The following HYCC1 variants were observed in gnomAD, a reference collection of about 807,000 sequenced individuals.
HYCC1 encodes hyccin PI4KA lipid kinase complex subunit 1.
chr7:22,944,679 C>T, the HYCC1 span: 4 of 152,082 alleles, frequency 2.6e-5, no homozygotes, highest in East Asian at 7.7e-4. Flanking sequence ...AGCTATGTTG[C>T]AAGATTTACA....
chr7:22,933,019 G>C, the HYCC1 span, among the ~76,000 whole-genome samples: 1 of 152,138 alleles, frequency 6.6e-6, no homozygotes, highest in African/African-American at 2.4e-5. Flanking sequence ...GCCAAGACCT[G>C]CCAGGAACCA....
the HYCC1 span, chr7:22,976,267 G>A: frequency 2.7e-5 from 43 of 1,613,014 alleles, no homozygotes; most frequent in Admixed American, 3.3e-5. Flanking sequence ...AGTTAAGGCA[G>A]CATTGTAACA....
At chr7:22,948,471 A>G in the HYCC1 span, among the ~76,000 whole-genome samples, 2 of 152,096 alleles carry the variant, frequency 1.3e-5, no homozygotes, top group African/African-American at 4.8e-5. Context: ...AAACATTCTA[A>G]TTTATAATTA....
the HYCC1 span, among the ~76,000 whole-genome samples, chr7:23,004,950 C>T: frequency 7.9e-5 from 12 of 152,026 alleles, no homozygotes; most frequent in Non-Finnish European, 1.8e-4. Context: ...GGACTACAAG[C>T]ACGTGCCACC....
the HYCC1 span, among the ~76,000 whole-genome samples, chr7:22,902,902 G>A: frequency 6.6e-6 from 1 of 152,032 alleles, no homozygotes; most frequent in Non-Finnish European, 1.5e-5. Flanking sequence ...ATAAATGGAA[G>A]AAATGATAAA....
the HYCC1 span, chr7:22,985,621 T>G: frequency 6.6e-6 from 1 of 152,098 alleles, no homozygotes; most frequent in Non-Finnish European, 1.5e-5. Context: ...AAGGTTTTAC[T>G]GCAACTGCTT....
At chr7:22,929,829 A>G in the HYCC1 span, among the ~76,000 whole-genome samples, 7 of 152,222 alleles carry the variant, frequency 4.6e-5, no homozygotes, top group African/African-American at 1.4e-4. Context: ...TGACCCAGCC[A>G]TCCCATTACT....
the HYCC1 span, among the ~76,000 whole-genome samples, chr7:23,008,878 G>T: frequency 3.5e-4 from 53 of 152,018 alleles, no homozygotes; most frequent in East Asian, 8.9e-3. Context: ...TAAAAACTGT[G>T]AAATTAATAT....
At chr7:23,007,354 G>A in the HYCC1 span, among the ~76,000 whole-genome samples, 1 of 152,042 alleles carries the variant, frequency 6.6e-6, no homozygotes, top group Non-Finnish European at 1.5e-5. Context: ...TTTATTGATG[G>A]TGGACGACTG....
the HYCC1 span, among the ~76,000 whole-genome samples, chr7:22,963,746 A>C: frequency 6.6e-6 from 1 of 152,204 alleles, no homozygotes; most frequent in Middle Eastern, 3.2e-3. Context: ...AACTTGACAA[A>C]AACAGGCATC....
At chr7:22,982,042 A>G in the HYCC1 span, among the ~76,000 whole-genome samples, 4 of 152,236 alleles carry the variant, frequency 2.6e-5, no homozygotes, top group East Asian at 1.9e-4. Context: ...TAGTTAAAAC[A>G]TACTTCATGA....
chr7:22,977,685 C>T, the HYCC1 span, among the ~76,000 whole-genome samples: 1 of 152,086 alleles, frequency 6.6e-6, no homozygotes, highest in South Asian at 2.1e-4. Flanking sequence ...CTTGATCTTA[C>T]TCATGTAACA....
the HYCC1 span, among the ~76,000 whole-genome samples, chr7:23,008,101 CAAG>C: frequency 3.9e-5 from 6 of 152,132 alleles, no homozygotes; most frequent in South Asian, 1.2e-3. Flanking sequence ...TAAGTGTTAG[CAAG>C]AAGACAAAAT....
At chr7:22,952,507 G>A in the HYCC1 span, among the ~76,000 whole-genome samples, 1 of 151,990 alleles carries the variant, frequency 6.6e-6, no homozygotes, top group Non-Finnish European at 1.5e-5. Context: ...ACCAGGGTGA[G>A]AGTGGTCTTA....
the HYCC1 span, among the ~76,000 whole-genome samples, chr7:23,009,652 A>G: frequency 6.6e-6 from 1 of 152,122 alleles, no homozygotes; most frequent in Non-Finnish European, 1.5e-5. Context: ...CAGAAATTTT[A>G]AAAAGAAAAA....
the HYCC1 span, among the ~76,000 whole-genome samples, chr7:22,982,747 T>C: frequency 6.6e-6 from 1 of 152,086 alleles, no homozygotes; most frequent in Non-Finnish European, 1.5e-5. Flanking sequence ...CAATCTATCC[T>C]CCACATAGCC....
the HYCC1 span, among the ~76,000 whole-genome samples, chr7:22,927,214 C>T: frequency 6.6e-6 from 1 of 151,806 alleles, no homozygotes; most frequent in Non-Finnish European, 1.5e-5. Context: ...GCACTAAATG[C>T]CCACAAGAGA....
chr7:22,932,613 A>C, the HYCC1 span, among the ~76,000 whole-genome samples: 1 of 152,138 alleles, frequency 6.6e-6, no homozygotes, highest in African/African-American at 2.4e-5. Flanking sequence ...CCAATACCTA[A>C]TTTTGATAAT....
chr7:23,008,651 G>A, the HYCC1 span, among the ~76,000 whole-genome samples: 1 of 151,820 alleles, frequency 6.6e-6, no homozygotes, highest in Non-Finnish European at 1.5e-5. Context: ...AAGACAGTTT[G>A]GAATTACTAG....
Sources: allele counts gnomAD v4.1 joint callset (sites outside exome capture counted in the v4.1 genomes callset), GRCh38; gene constraint gnomAD v4.1.1; transcripts MANE v1.5; gene names NCBI Gene and HGNC (gene_info 2026-07-23, HGNC 2026-07-21).